MACROD2: variants seen among roughly 807,000 people sequenced by gnomAD.
MACROD2 encodes ADP-ribose glycohydrolase MACROD2.
Under a neutral mutation model 70.4 loss-of-function variants are expected in MACROD2, and 36 were observed. The ratio of observed to expected loss-of-function variants is 0.51; its 90% CI spans 0.39 to 0.68. The LOEUF (loss-of-function observed/expected upper bound fraction) is 0.68. Among genes scored for constraint, MACROD2 ranks in the 30% least tolerant of loss-of-function variants. MACROD2 has a pLI of 0.00. For missense variants in MACROD2, 496 were observed against 538.4 expected (o/e 0.92, Z 0.78); for synonymous variants, 172 against 178.8 (o/e 0.96, Z 0.30).
intron 7 of MACROD2, among the ~76,000 whole-genome samples, chr20:15,461,479 A>C (rs1289780739): frequency 6.6e-6 from 1 of 152,182 alleles, no homozygotes; most frequent in African/African-American, 2.4e-5. Flanking sequence ...GGTCTGTATC[A>C]TTAATAAGCA....
intron 5 of MACROD2, among the ~76,000 whole-genome samples, chr20:14,958,212 C>A (rs2074553912): frequency 6.6e-6 from 1 of 152,150 alleles, no homozygotes; most frequent in Non-Finnish European, 1.5e-5. Context: ...AAGGATGCAA[C>A]AAATTTATGT....
At chr20:14,682,771 A>G (rs931482889) in intron 4 of MACROD2, among the ~76,000 whole-genome samples, 10 of 152,298 alleles carry the variant, frequency 6.6e-5, no homozygotes, top group African/African-American at 2.2e-4. Context: ...TATTTTTTGC[A>G]CTTGTGTTAA....
chr20:15,040,373 G>A (rs2075346647), intron 5 of MACROD2, among the ~76,000 whole-genome samples: 1 of 151,696 alleles, frequency 6.6e-6, no homozygotes, highest in African/African-American at 2.4e-5. Flanking sequence ...ATTTGGCTGG[G>A]TCCACTCCTT....
intron 9 of MACROD2, among the ~76,000 whole-genome samples, chr20:15,883,250 G>C (rs754635989): frequency 3.9e-5 from 6 of 151,924 alleles, no homozygotes; most frequent in Non-Finnish European, 7.4e-5. Flanking sequence ...CTCTCTCTCT[G>C]AGATTCCAGA....
intron 5 of MACROD2, among the ~76,000 whole-genome samples, chr20:15,166,765 A>G (rs928601935): frequency 5.9e-5 from 9 of 151,766 alleles, no homozygotes; most frequent in African/African-American, 2.2e-4. Flanking sequence ...TTTAAAAATC[A>G]GAAAAAAAGC....
At chr20:15,887,433 A>T (rs937235714) in intron 10 of MACROD2, among the ~76,000 whole-genome samples, 6 of 152,190 alleles carry the variant, frequency 3.9e-5, no homozygotes, top group African/African-American at 1.4e-4. Flanking sequence ...GAACTGTAGC[A>T]GTGGCTGTTG....
intron 9 of MACROD2, among the ~76,000 whole-genome samples, chr20:15,884,789 C>T (rs1296710588): frequency 1.3e-5 from 2 of 152,128 alleles, no homozygotes; most frequent in South Asian, 2.1e-4. Context: ...GGCTTACAAA[C>T]AAAAGAAATT....
At chr20:15,769,776 C>T (rs2051591450) in intron 8 of MACROD2, among the ~76,000 whole-genome samples, 1 of 152,272 alleles carries the variant, frequency 6.6e-6, no homozygotes, top group South Asian at 2.1e-4. Flanking sequence ...TCCATATTTA[C>T]TTCTCTTCGA....
intron 4 of MACROD2, among the ~76,000 whole-genome samples, chr20:14,618,845 A>G (rs1983635052): frequency 6.6e-6 from 1 of 152,178 alleles, no homozygotes; most frequent in East Asian, 1.9e-4. Context: ...TATGGGCTTT[A>G]GTGCCACCCA....
At chr20:14,586,378 C>T (rs2208130) in intron 4 of MACROD2, among the ~76,000 whole-genome samples, 148,893 of 152,186 alleles carry the variant, frequency 0.98, 72,920 homozygotes, top group East Asian at 1. Flanking sequence ...AACATCTTTC[C>T]TTAAGTTTCC....
intron 5 of MACROD2, among the ~76,000 whole-genome samples, chr20:15,142,550 T>C (rs1217123346): frequency 6.6e-6 from 1 of 152,212 alleles, no homozygotes; most frequent in African/African-American, 2.4e-5. Flanking sequence ...CTAGGGTACA[T>C]GTGCACAACG....
chr20:14,525,626 A>G (rs574426754), intron 4 of MACROD2, among the ~76,000 whole-genome samples: 149 of 152,324 alleles, frequency 9.8e-4, no homozygotes, highest in African/African-American at 3.3e-3. Context: ...GTGCCTGGCC[A>G]TATTTTACCA....
chr20:14,618,935 T>C (rs1983639744), intron 4 of MACROD2, among the ~76,000 whole-genome samples: 1 of 152,136 alleles, frequency 6.6e-6, no homozygotes, highest in Non-Finnish European at 1.5e-5. Context: ...AACCTTAGTT[T>C]TCTTACTTGT....
intron 8 of MACROD2, among the ~76,000 whole-genome samples, chr20:15,840,926 A>G (rs1453962811): frequency 1.3e-5 from 2 of 152,180 alleles, no homozygotes; most frequent in Non-Finnish European, 2.9e-5. Flanking sequence ...AGAAAAATAA[A>G]TATGTTTTTC....
chr20:15,217,300 A>T (rs1218608200), intron 5 of MACROD2, among the ~76,000 whole-genome samples: 1 of 152,326 alleles, frequency 6.6e-6, no homozygotes, highest in African/African-American at 2.4e-5. Flanking sequence ...AGTACTTCTC[A>T]TCACCTCCCA....
chr20:15,157,998 C>A (rs2076321374), intron 5 of MACROD2, among the ~76,000 whole-genome samples: 1 of 152,050 alleles, frequency 6.6e-6, no homozygotes, highest in Non-Finnish European at 1.5e-5. Flanking sequence ...CTTCAGTTAC[C>A]CCTTGGAGTG....
chr20:14,089,077 G>C (rs1312741693), intron 3 of MACROD2, among the ~76,000 whole-genome samples: 1 of 152,108 alleles, frequency 6.6e-6, no homozygotes, highest in Admixed American at 6.6e-5. Context: ...AGGGTATGAT[G>C]AATTTATATG....
intron 3 of MACROD2, among the ~76,000 whole-genome samples, chr20:14,276,510 G>A (rs2082258500): frequency 6.8e-6 from 1 of 146,828 alleles, no homozygotes; most frequent in South Asian, 2.3e-4. Context: ...ATAGCATTAG[G>A]AGATATACCT....
At chr20:16,033,900 A>G (rs1855021027) in intron 15 of MACROD2, among the ~76,000 whole-genome samples, 1 of 151,940 alleles carries the variant, frequency 6.6e-6, no homozygotes, top group Non-Finnish European at 1.5e-5. Context: ...AGAGAGAGAA[A>G]AAATCAAAGG....
Sources: gnomAD v4.1 joint callset for allele counts (sites outside exome capture counted in the v4.1 genomes callset) on GRCh38, gnomAD v4.1.1 for gene constraint, MANE v1.5 for transcripts, NCBI Gene and HGNC (gene_info 2026-07-23, HGNC 2026-07-21) for gene names.